Variants in SRRM3 observed in about 807,000 individuals in gnomAD.
SRRM3 encodes the protein serine/arginine repetitive matrix protein 3.
Under a neutral mutation model 66.2 loss-of-function variants are expected in SRRM3, and 27 were observed. That is an observed-to-expected ratio of 0.41 (90% confidence interval 0.30 to 0.56). SRRM3 has a LOEUF of 0.56. Among genes scored for constraint, SRRM3 ranks in the 20% least tolerant of loss-of-function variants. The probability of loss-of-function intolerance (pLI) is 0.32; values close to 1 mark genes in which losing one functional copy is unlikely to be tolerated. For synonymous variants in SRRM3, 391 were observed against 414.9 expected, an observed-to-expected ratio of 0.94 and a Z score of 0.70; for missense variants, 918 against 991.9, an observed-to-expected ratio of 0.93 and a Z score of 1.00.
At chr7:76,262,759 G>C (rs1255324605) in intron 8 of SRRM3, among the ~76,000 whole-genome samples, 2 of 151,714 alleles carry the variant, frequency 1.3e-5, no homozygotes, top group African/African-American at 4.8e-5. Context: ...GAAATTACAG[G>C]GAGCTGAGAT....
intron 8 of SRRM3, among the ~76,000 whole-genome samples, chr7:76,263,676 A>G (rs1287661926): frequency 2.6e-5 from 4 of 152,050 alleles, no homozygotes; most frequent in African/African-American, 2.4e-5. Context: ...CCTGGCCAAC[A>G]TGGTGAAATC....
chr7:76,285,690 G>A lies in SRRM3; in HGVS notation c.1809G>A (p.Ser603=), dbSNP rs781997418. Residue 603 remains serine, a synonymous_variant, in exon 15 of 15, where the codon TCG becomes TCA. Coordinates refer to ENST00000611745, the MANE Select transcript of SRRM3 (RefSeq NM_001110199.3). The surrounding 1 kb of genome is among the most constrained non-coding windows in gnomAD (Gnocchi z 4.1). ...CCAGCTGCTTGAGCAGCGACTACTCGACCCGGAGCCACAGCCGCAGCCCCA... is the reference window on the plus strand; with the variant it reads ...CCAGCTGCTTGAGCAGCGACTACTCAACCCGGAGCCACAGCCGCAGCCCCA... The part of the protein sequence containing the change: ...SSSSCLSSDY[S]TRSHSRSPSP... 2.6e-6 allele frequency: 4 copies of A among 1,550,850 alleles called. No homozygotes were observed. The highest frequency in any genetic ancestry group is 2.7e-5 in the African/African-American group (2 of 72,990).
chr7:76,207,870 C>T (rs1800338477), intron 1 of SRRM3, among the ~76,000 whole-genome samples: 1 of 152,072 alleles, frequency 6.6e-6, no homozygotes. Context: ...GAGCGGGGGA[C>T]TCTGTCTCAG....
intron 1 of SRRM3, among the ~76,000 whole-genome samples, chr7:76,207,195 G>A (rs1370191465): frequency 1.3e-5 from 2 of 152,138 alleles, no homozygotes; most frequent in Non-Finnish European, 2.9e-5. Flanking sequence ...CCAGCTACTT[G>A]GGAGGCTGAG....
At chr7:76,282,433 A>C (rs1554612060) in intron 12 of SRRM3, among the ~76,000 whole-genome samples, 1 of 72,240 alleles carries the variant, frequency 1.4e-5, no homozygotes. Context: ...AATCTCCTCC[A>C]CTGATCTCCC....
At chr7:76,215,931 G>A (rs1800558713) in intron 1 of SRRM3, among the ~76,000 whole-genome samples, 1 of 150,962 alleles carries the variant, frequency 6.6e-6, no homozygotes, top group African/African-American at 2.4e-5. Flanking sequence ...CCCAGTAGCT[G>A]GGACTACAGG....
intron 11 of SRRM3, among the ~76,000 whole-genome samples, chr7:76,279,431 G>T (rs1554611542): frequency 6.6e-6 from 1 of 151,576 alleles, no homozygotes; most frequent in Non-Finnish European, 1.5e-5. Flanking sequence ...TGCCCTGGAG[G>T]TGCTAAAAGT....
At chr7:76,265,270 C>G in intron 9 of SRRM3, 94 bp from the exon 10 acceptor site, 1 of 830,320 alleles carries the variant, frequency 1.2e-6, no homozygotes, top group Admixed American at 2.6e-5. Context: ...TAGGGTTCCA[C>G]TGGGATCCTG....
intron 10 of SRRM3, among the ~76,000 whole-genome samples, chr7:76,266,625 TATATATTTA>T (rs1260411201): frequency 1.5e-5 from 2 of 129,996 alleles, no homozygotes; most frequent in African/African-American, 5.8e-5. Flanking sequence ...TATATATTAA[TATATATTTA>T]ATATATTTAT....
intron 10 of SRRM3, among the ~76,000 whole-genome samples, chr7:76,266,232 A>AATATATATAAATATTTATATATTTAATAT (rs1554609583): frequency 8.0e-5 from 6 of 74,964 alleles, no homozygotes; most frequent in East Asian, 3.7e-4. Context: ...TTATATATTT[A>AATATATATAAATATTTATATATTTAATAT]ATATATATAA....
chr7:76,261,162 G>A (rs905762264), intron 6 of SRRM3, among the ~76,000 whole-genome samples, 190 bp from the exon 7 acceptor site: 5 of 151,960 alleles, frequency 3.3e-5, no homozygotes, highest in African/African-American at 4.8e-5. Context: ...CATAGGCAGC[G>A]CCATCAACTA....
chr7:76,265,173 G>C (rs1442768228), intron 9 of SRRM3, among the ~76,000 whole-genome samples, 191 bp from the exon 10 acceptor site: 4 of 152,118 alleles, frequency 2.6e-5, no homozygotes, highest in Non-Finnish European at 5.9e-5. Context: ...GACCCATATG[G>C]ACCAGATAGG....
intron 8 of SRRM3, among the ~76,000 whole-genome samples, chr7:76,262,999 T>C (rs1554608991): frequency 6.6e-6 from 1 of 152,072 alleles, no homozygotes; most frequent in African/African-American, 2.4e-5. Flanking sequence ...TTCTTTGTAG[T>C]GGGAATTTGC....
intron 1 of SRRM3, among the ~76,000 whole-genome samples, chr7:76,229,360 G>A (rs1454297843): frequency 6.6e-6 from 1 of 152,126 alleles, no homozygotes; most frequent in Non-Finnish European, 1.5e-5. Flanking sequence ...GGTATCCTGT[G>A]TTCCTATTTG....
intron 11 of SRRM3, among the ~76,000 whole-genome samples, chr7:76,276,556 G>A (rs1209098996): frequency 6.6e-6 from 1 of 152,184 alleles, no homozygotes; most frequent in Non-Finnish European, 1.5e-5. Flanking sequence ...TAGCCAGGCT[G>A]TGGGTGGGAG....
chr7:76,227,120 G>A (rs1047360570), intron 1 of SRRM3, among the ~76,000 whole-genome samples: 26 of 124,770 alleles, frequency 2.1e-4, no homozygotes, highest in Non-Finnish European at 3.4e-4. Flanking sequence ...CCAATCAGTG[G>A]TAGGGTAAAG....
At chr7:76,212,506 T>C (rs1213983315) in intron 1 of SRRM3, among the ~76,000 whole-genome samples, 1 of 145,214 alleles carries the variant, frequency 6.9e-6, no homozygotes, top group African/African-American at 2.6e-5. Context: ...TGTTGCTCTG[T>C]TGCCCAGGCT....
Position 76,261,593 on chromosome 7 carries a change from T to C in SRRM3, c.674+12T>C. ...AAGAGACGGCACAGGTGAGCGGCGC[T>C]TTGCAGAGGACATGGTCAGTGGTCC... On this transcript the variant is annotated intron_variant, in intron 8 of 14. Coordinates refer to ENST00000611745, the MANE Select transcript of SRRM3 (RefSeq NM_001110199.3). The C allele has an allele frequency of 6.2e-7, 1 of 1,609,412 alleles. No homozygotes were observed. Among genetic ancestry groups the C allele is most frequent in the Non-Finnish European group, 8.5e-7 (1 of 1,178,100 alleles).
In SRRM3 at chr7:76,282,795, C is replaced by A; in HGVS notation, c.1518C>A (p.Ser506=). Residue 506 remains serine, a synonymous_variant, in exon 13 of 15, where the codon TCC becomes TCA. Transcript: ENST00000611745. ...PRSWSSSRSP[S]KSRSRSAEKR... is the part of the protein sequence containing the mutation. ...CCTGGAGCTCCAGCCGCTCGCCCTC[C>A]AAATCTCGCTCGCGCTCTGCGGAGA... 1 of 1,466,470 alleles carries A rather than the reference C, an allele frequency of 6.8e-7. No individual in the cohort carries two copies. The highest frequency in any genetic ancestry group is 2.4e-5 in the Admixed American group (1 of 41,382). 90.8% of individuals were successfully genotyped at this position (1,466,470 alleles called of 1,614,324 possible).
Sources: gnomAD v4.1 joint callset for allele counts (sites outside exome capture counted in the v4.1 genomes callset) on GRCh38, gnomAD v4.1.1 for gene constraint, Gnocchi (gnomAD v3.1) non-coding constraint, MANE v1.5 for transcripts, NCBI Gene and HGNC (gene_info 2026-07-23, HGNC 2026-07-21) for gene names.